ATP10A: variants seen among roughly 807,000 people sequenced by gnomAD.
ATP10A encodes phospholipid-transporting ATPase VA.
ATP10A carries 111 observed loss-of-function variants against 147.8 expected under a neutral mutation model. The ratio of observed to expected loss-of-function variants is 0.75; its 90% CI spans 0.64 to 0.88. The LOEUF (loss-of-function observed/expected upper bound fraction) is 0.88. Among genes scored for constraint, ATP10A ranks in the 40% least tolerant of loss-of-function variants. The pLI, the probability that ATP10A is intolerant of heterozygous loss-of-function variation, is 0.00. For synonymous variants in ATP10A, 875 were observed against 841.6 expected (o/e 1.04, Z -0.69); for missense variants, 1,927 against 1,959.0 (o/e 0.98, Z 0.31).
At chr15:25,848,836 G>C (rs1893149951) in intron 1 of ATP10A, 1 of 153,540 alleles carries the variant, frequency 6.5e-6, no homozygotes, top group African/African-American at 2.4e-5. Context: ...TTTCTCATGG[G>C]ACCTAAGGGA....
intron 10 of ATP10A, among the ~76,000 whole-genome samples, chr15:25,711,393 A>G (rs903133575): frequency 6.6e-6 from 1 of 151,678 alleles, no homozygotes; most frequent in African/African-American, 2.4e-5. Context: ...ACCTATCCAC[A>G]CCCCTCCACC....
chr15:25,855,469 A>G (rs1027175833), intron 1 of ATP10A, among the ~76,000 whole-genome samples: 2 of 152,030 alleles, frequency 1.3e-5, no homozygotes, highest in Non-Finnish European at 2.9e-5. Context: ...AAGTAGGAAC[A>G]AAAGGGAAAT....
chr15:25,829,937 G>T (rs1454492080), intron 1 of ATP10A, among the ~76,000 whole-genome samples: 2 of 152,194 alleles, frequency 1.3e-5, no homozygotes, highest in Admixed American at 6.5e-5. Flanking sequence ...GCTTTCTATT[G>T]TAAGGAATCA....
intron 7 of ATP10A, among the ~76,000 whole-genome samples, chr15:25,719,031 G>C (rs1902037312): frequency 6.6e-6 from 1 of 152,206 alleles, no homozygotes; most frequent in Non-Finnish European, 1.5e-5. Context: ...ATCCCCTTTA[G>C]AGGTGCCTGC....
chr15:25,766,010 G>C (rs1889001258), intron 2 of ATP10A, among the ~76,000 whole-genome samples: 1 of 152,210 alleles, frequency 6.6e-6, no homozygotes, highest in Non-Finnish European at 1.5e-5. Context: ...AACAAAAAGA[G>C]ATTTAATTGG....
chr15:25,808,717 A>G (rs1891303501), intron 1 of ATP10A, among the ~76,000 whole-genome samples: 1 of 152,086 alleles, frequency 6.6e-6, no homozygotes, highest in Non-Finnish European at 1.5e-5. Context: ...CTGATTCCCA[A>G]CTCAGGTATT....
At chr15:25,795,731 G>C (rs1890642201) in intron 1 of ATP10A, among the ~76,000 whole-genome samples, 1 of 152,152 alleles carries the variant, frequency 6.6e-6, no homozygotes, top group Non-Finnish European at 1.5e-5. Context: ...TTTGACATGT[G>C]CTATAGTGTG....
In ATP10A at chr15:25,713,927, G is replaced by A; in HGVS notation, c.2091C>T (p.Ser697=). Residue 697 remains serine (S), a synonymous_variant, in exon 10 of 21, where the codon AGC becomes AGT. Coordinates refer to ENST00000555815, the MANE Select transcript of ATP10A (RefSeq NM_024490.4). ...CATACACCAGTGCGGCCTCATCCGGGCTCTCCGCCTCGTACCGCAGCTCGC... is the reference window on the plus strand; with the variant it reads ...CATACACCAGTGCGGCCTCATCCGGACTCTCCGCCTCGTACCGCAGCTCGC... ...SERELRYEAE[S]PDEAALVYAA... The A allele has an allele frequency of 1.2e-6, 2 of 1,612,352 alleles. No individual in the cohort carries two copies. The highest frequency in any genetic ancestry group is 1.7e-6 in the Non-Finnish European group (2 of 1,180,026).
At chr15:25,715,223 G>T (rs1901723344) in intron 9 of ATP10A, among the ~76,000 whole-genome samples, 1 of 152,224 alleles carries the variant, frequency 6.6e-6, no homozygotes. Context: ...TTTTGATACA[G>T]GTGCTTTTCC....
intron 1 of ATP10A, among the ~76,000 whole-genome samples, chr15:25,836,963 T>A (rs1255101331): frequency 6.6e-6 from 1 of 152,170 alleles, no homozygotes; most frequent in African/African-American, 2.4e-5. Flanking sequence ...AAAATTATTA[T>A]ATACATATAA....
chr15:25,744,221 A>G (rs1887722880), intron 2 of ATP10A, among the ~76,000 whole-genome samples: 1 of 152,176 alleles, frequency 6.6e-6, no homozygotes, highest in African/African-American at 2.4e-5. Flanking sequence ...CTTAGAGTCA[A>G]CTGAGTGGCC....
At chr15:25,745,364 A>G (rs1001227655) in intron 2 of ATP10A, among the ~76,000 whole-genome samples, 3 of 151,952 alleles carry the variant, frequency 2.0e-5, no homozygotes, top group Non-Finnish European at 4.4e-5. Context: ...AAAAAAAAAA[A>G]GGGAAATTGA....
intron 2 of ATP10A, among the ~76,000 whole-genome samples, chr15:25,778,392 C>T (rs1053784518): frequency 6.6e-6 from 1 of 151,734 alleles, no homozygotes; most frequent in African/African-American, 2.4e-5. Flanking sequence ...AGTCAAGAGA[C>T]TTGCTTCCTT....
Position 25,852,427 on chromosome 15 carries a change from G to A in ATP10A, c.449+10221C>T, listed in dbSNP as rs182635452. ...AGGGTCTGACCTCATTGAGGGTGTTGGGGCTCAGGAACCAATATCGCAAAA... is the reference window on the plus strand; with the variant it reads ...AGGGTCTGACCTCATTGAGGGTGTTAGGGCTCAGGAACCAATATCGCAAAA... On this transcript the variant is annotated intron_variant, in intron 1 of 20. Coordinates refer to ENST00000555815, the MANE Select transcript of ATP10A (RefSeq NM_024490.4). Among the ~76,000 whole-genome samples the A allele has an allele frequency of 1.1e-4, 17 of 152,246 alleles. No individual in the cohort carries two copies. The East Asian group carries it at 2.3e-3, about 21-fold the overall frequency.
chr15:25,781,291 A>C lies in ATP10A; in HGVS notation c.450-68T>G, dbSNP rs138687188. The C allele has an allele frequency of 2.4e-5, 32 of 1,336,390 alleles. No individual in the cohort carries two copies. In the African/African-American group the frequency reaches 3.6e-4, roughly 15 times the overall value. 82.8% of individuals were successfully genotyped at this position (1,336,390 alleles called of 1,614,324 possible). On this transcript the variant is annotated intron_variant, in intron 1 of 20. Coordinates refer to ENST00000555815, the MANE Select transcript of ATP10A (RefSeq NM_024490.4). Reference sequence around the variant, plus strand: ...TCGTGGCTGGATCTGGGTGATGGGCACGTGGGGCTCATATGGCAATTCTTT... The same window carrying C: ...TCGTGGCTGGATCTGGGTGATGGGCCCGTGGGGCTCATATGGCAATTCTTT...
chr15:25,795,775 C>A (rs570860036), intron 1 of ATP10A, among the ~76,000 whole-genome samples: 1 of 152,200 alleles, frequency 6.6e-6, no homozygotes, highest in East Asian at 1.9e-4. Context: ...TGCTGAAGAC[C>A]GATCCCCAGC....
At chr15:25,803,751 A>G (rs1289423563) in intron 1 of ATP10A, among the ~76,000 whole-genome samples, 1 of 152,190 alleles carries the variant, frequency 6.6e-6, no homozygotes, top group South Asian at 2.1e-4. Flanking sequence ...AAATCTGAGA[A>G]TGACACCCAG....
intron 3 of ATP10A, among the ~76,000 whole-genome samples, chr15:25,733,678 A>C (rs1887094456): frequency 6.6e-6 from 1 of 152,204 alleles, no homozygotes; most frequent in Non-Finnish European, 1.5e-5. Context: ...AAAGAGCGTC[A>C]GGTGTGGAGA....
intron 12 of ATP10A, among the ~76,000 whole-genome samples, chr15:25,705,608 C>G (rs1900951422): frequency 6.6e-6 from 1 of 152,140 alleles, no homozygotes; most frequent in Admixed American, 6.6e-5. Context: ...TGGTGGGTGG[C>G]TCCCATACTC....
Sources: allele counts gnomAD v4.1 joint callset (sites outside exome capture counted in the v4.1 genomes callset), GRCh38; gene constraint gnomAD v4.1.1; transcripts MANE v1.5; gene names NCBI Gene and HGNC (gene_info 2026-07-23, HGNC 2026-07-21).